RPTOR: variants seen among roughly 807,000 people sequenced by gnomAD.
The protein encoded by RPTOR is regulatory-associated protein of mTOR.
In RPTOR, 21 loss-of-function variants were observed where a neutral mutation model predicts 169.9. The ratio of observed to expected loss-of-function variants is 0.12; its 90% CI spans 0.09 to 0.18. The LOEUF (loss-of-function observed/expected upper bound fraction) is 0.18. Among genes scored for constraint, RPTOR ranks in the 10% least tolerant of loss-of-function variants. The pLI, the probability that RPTOR is intolerant of heterozygous loss-of-function variation, is 1.00. For missense variants in RPTOR, 1,133 were observed against 1,855.9 expected (o/e 0.61, Z 7.16); for synonymous variants, 732 against 753.2 (o/e 0.97, Z 0.46).
At chr17:80,757,778 T>C (rs1328333068) in intron 6 of RPTOR, among the ~76,000 whole-genome samples, 2 of 152,134 alleles carry the variant, frequency 1.3e-5, no homozygotes, top group Non-Finnish European at 2.9e-5. Flanking sequence ...CTTCTCTGCA[T>C]CTCCTGGCTT....
intron 2 of RPTOR, among the ~76,000 whole-genome samples, chr17:80,639,682 GGCACCA>G (rs1185884967): frequency 6.6e-6 from 1 of 152,224 alleles, no homozygotes; most frequent in Non-Finnish European, 1.5e-5. Context: ...CTGTGCCTGG[GGCACCA>G]CTCTTTGGGG....
At chr17:80,711,097 G>A (rs2066186035) in intron 4 of RPTOR, among the ~76,000 whole-genome samples, 1 of 152,126 alleles carries the variant, frequency 6.6e-6, no homozygotes, top group South Asian at 2.1e-4. Flanking sequence ...TTTCTACTAA[G>A]CTTCCCGATG....
chr17:80,829,698 G>A (rs949511600), intron 9 of RPTOR, among the ~76,000 whole-genome samples: 4 of 152,222 alleles, frequency 2.6e-5, no homozygotes, highest in Non-Finnish European at 4.4e-5. Flanking sequence ...ACTTGTGGCC[G>A]AGTCTCAGGA....
intron 3 of RPTOR, among the ~76,000 whole-genome samples, chr17:80,658,831 A>G (rs1156480441): frequency 6.6e-6 from 1 of 152,134 alleles, no homozygotes; most frequent in East Asian, 1.9e-4. Context: ...CTATTCTGTG[A>G]TTTCCATTCG....
At chr17:80,715,282 A>T (rs1355213848) in intron 4 of RPTOR, among the ~76,000 whole-genome samples, 1 of 152,252 alleles carries the variant, frequency 6.6e-6, no homozygotes, top group African/African-American at 2.4e-5. Context: ...TCCTATAAGC[A>T]TTAAAAAGGT....
chr17:80,895,874 C>T (rs542338583), intron 20 of RPTOR, among the ~76,000 whole-genome samples: 1 of 152,340 alleles, frequency 6.6e-6, no homozygotes, highest in South Asian at 2.1e-4. Flanking sequence ...CTTACAGACT[C>T]GCCTTGTGTC....
At chr17:80,561,661 G>C (rs2084497518) in intron 1 of RPTOR, among the ~76,000 whole-genome samples, 1 of 151,180 alleles carries the variant, frequency 6.6e-6, no homozygotes, top group Non-Finnish European at 1.5e-5. Flanking sequence ...TTGAACTCCT[G>C]GGCTGGAGTG....
intron 3 of RPTOR, among the ~76,000 whole-genome samples, chr17:80,688,259 C>A (rs941923673): frequency 6.6e-6 from 1 of 152,180 alleles, no homozygotes; most frequent in Admixed American, 6.5e-5. Context: ...CCTCTCCACT[C>A]CCTTCACCCC....
At chr17:80,911,889 C>T (rs867131304) in intron 21 of RPTOR, among the ~76,000 whole-genome samples, 26 of 152,334 alleles carry the variant, frequency 1.7e-4, no homozygotes, top group South Asian at 6.2e-4. Context: ...AAAAGAAAGT[C>T]ATAAGACTGC....
intron 3 of RPTOR, among the ~76,000 whole-genome samples, chr17:80,660,778 G>C (rs2065716924): frequency 6.6e-6 from 1 of 152,164 alleles, no homozygotes; most frequent in Non-Finnish European, 1.5e-5. Context: ...GTCAGCCACT[G>C]TCCCCAATGC....
intron 1 of RPTOR, among the ~76,000 whole-genome samples, chr17:80,585,361 C>T (rs866354275): frequency 5.3e-5 from 8 of 152,154 alleles, no homozygotes; most frequent in Non-Finnish European, 5.9e-5. Context: ...CGCGCCACCT[C>T]GCCCAGCTAA....
intron 17 of RPTOR, among the ~76,000 whole-genome samples, chr17:80,887,809 A>G (rs188027377): frequency 2.6e-4 from 40 of 152,296 alleles, no homozygotes; most frequent in Non-Finnish European, 2.9e-5. Context: ...TTGTTTGTTG[A>G]CTTGTTTAAT....
At chr17:80,680,631 AAAAC>A (rs1235151930) in intron 3 of RPTOR, among the ~76,000 whole-genome samples, 8 of 152,284 alleles carry the variant, frequency 5.3e-5, no homozygotes, top group East Asian at 1.9e-4. Flanking sequence ...TCTGTCTCAA[AAAAC>A]AAACAAACAG....
chr17:80,691,762 G>C (rs1363113166), intron 3 of RPTOR, among the ~76,000 whole-genome samples: 1 of 152,124 alleles, frequency 6.6e-6, no homozygotes, highest in Non-Finnish European at 1.5e-5. Context: ...CTTAATCTGG[G>C]CTCCAGGGCT....
chr17:80,852,026 C>A (rs375320068), intron 11 of RPTOR, among the ~76,000 whole-genome samples: 1 of 152,304 alleles, frequency 6.6e-6, no homozygotes, highest in African/African-American at 2.4e-5. Context: ...CCTGGGTCAT[C>A]TAGAAACTTG....
chr17:80,712,983 G>A, intron 4 of RPTOR, among the ~76,000 whole-genome samples: 1 of 152,096 alleles, frequency 6.6e-6, no homozygotes, highest in East Asian at 1.9e-4. Context: ...TATCTCTTCA[G>A]GTTTTTTGCC....
At chr17:80,961,358 G>A (rs978894365) in intron 30 of RPTOR, 36 bp from the exon 31 acceptor site, 5 of 1,530,308 alleles carry the variant, frequency 3.3e-6, no homozygotes, top group Non-Finnish European at 4.4e-6. Context: ...CGTCCTTCAG[G>A]GAAGCCCCAC....
intron 3 of RPTOR, among the ~76,000 whole-genome samples, chr17:80,693,386 C>A (rs931979665): frequency 3.3e-5 from 5 of 152,186 alleles, no homozygotes; most frequent in Non-Finnish European, 7.3e-5. Flanking sequence ...ATTCTGAGCA[C>A]CCATTTCAGA....
chr17:80,589,445 C>A (rs1320482327), intron 1 of RPTOR, among the ~76,000 whole-genome samples: 1 of 152,116 alleles, frequency 6.6e-6, no homozygotes, highest in Admixed American at 6.5e-5. Context: ...CTTTGCATTT[C>A]CATAGAAATT....
Sources: allele counts gnomAD v4.1 joint callset (sites outside exome capture counted in the v4.1 genomes callset), GRCh38; gene constraint gnomAD v4.1.1; transcripts MANE v1.5; gene names NCBI Gene and HGNC (gene_info 2026-07-23, HGNC 2026-07-21).